INTU: variants seen among roughly 807,000 people sequenced by gnomAD.
INTU encodes protein inturned.
A neutral mutation model predicts 100.5 loss-of-function variants in INTU; 68 were observed. The ratio of observed to expected loss-of-function variants is 0.68; its 90% CI spans 0.56 to 0.83. The LOEUF is 0.83. Ranked by LOEUF, INTU falls within the 40% of genes least tolerant of loss-of-function variation. The pLI is 0.00. For synonymous variants in INTU, 357 were observed against 395.7 expected, an observed-to-expected ratio of 0.90 and a Z score of 1.16; for missense variants, 1,071 against 1,114.7, an observed-to-expected ratio of 0.96 and a Z score of 0.56.
chr4:127,706,886 C>T lies in INTU; in HGVS notation c.2188C>T (p.Pro730Ser). 6.2e-7 allele frequency: 1 copy of T among 1,613,988 alleles called. No individual in the cohort carries two copies. The highest frequency in any genetic ancestry group is 8.5e-7 in the Non-Finnish European group (1 of 1,179,944). Residue 730 changes from proline (P) to serine (S), a missense_variant, in exon 12 of 16, where the codon CCC becomes TCC. Physicochemically the swap from Pro to Ser is moderately conservative, Grantham distance 74. Transcript: ENST00000335251. ...CEGGEDDGFS[P>S]HTTPDAVRKQ... Reference sequence around the variant, plus strand: ...AGGTGGAGAAGATGATGGCTTTAGCCCCCATACTACACCGGATGCAGTACG... The same window carrying T: ...AGGTGGAGAAGATGATGGCTTTAGCTCCCATACTACACCGGATGCAGTACG...
In INTU at chr4:127,687,747, T is replaced by TA; in HGVS notation, c.1329_1330insA (p.Gln444ThrfsTer49). 1 of 1,613,596 alleles carries TA rather than the reference T, an allele frequency of 6.2e-7. No homozygotes were observed. The highest frequency in any genetic ancestry group is 8.5e-7 in the Non-Finnish European group (1 of 1,179,678). ...TTAACTTGTTCTTTCAAAGAGCACT[T>TA]CAGCCTGCGAAACTGCATTCCAGCG... On this transcript the variant is annotated frameshift_variant, in exon 8 of 16. Coordinates refer to ENST00000335251, the MANE Select transcript of INTU (RefSeq NM_015693.4). LOFTEE classifies it high-confidence loss of function.
Position 127,720,760 on chromosome 4 carries a change from C to T in INTU, c.*4324C>T, listed in dbSNP as rs962382398. ...CTTTGTCTTTTTTTTAATCTTTATT[C>T]GTTTAAAGTCTTTGTCAGAAACTAG... On this transcript the variant is annotated 3_prime_UTR_variant, in exon 16 of 16. Coordinates refer to ENST00000335251, the MANE Select transcript of INTU (RefSeq NM_015693.4). The T allele has an allele frequency of 1.3e-5, 2 of 151,886 alleles. No homozygotes were observed. The highest frequency in any genetic ancestry group is 2.1e-4 in the South Asian group (1 of 4,802). The allele number at this position is 151,886 out of a possible 1,614,324, so 9.4% of individuals were successfully genotyped here. A position where few individuals can be genotyped will look rare whatever the true frequency, so the allele number is the denominator to read the frequency against.
rs758289583 is a variant in INTU at position 127,705,626 on chromosome 4, T to G, written c.1602T>G (p.Asp534Glu). ...TATGCAGTCATTTGCCCAAGGATGA[T>G]CTTATTGATATTGCCGTATACTGTC... The part of the protein sequence containing the change: ...YLICSHLPKD[D>E]LIDIAVYCRH... Residue 534 changes from aspartate (D) to glutamate (E), a missense_variant, in exon 11 of 16, where the codon GAT becomes GAG. Coordinates refer to ENST00000335251, the MANE Select transcript of INTU (RefSeq NM_015693.4). 6.2e-7 allele frequency: 1 copy of G among 1,613,828 alleles called. No individual in the cohort carries two copies. The highest frequency in any genetic ancestry group is 1.3e-5 in the African/African-American group (1 of 74,894).
intron 3 of INTU, among the ~76,000 whole-genome samples, chr4:127,658,032 T>C (rs1431060539): frequency 6.6e-6 from 1 of 152,086 alleles, no homozygotes; most frequent in Non-Finnish European, 1.5e-5. Context: ...CGTTTTTGGA[T>C]TGGTCAGGTT....
intron 15 of INTU, 55 bp from the exon 16 acceptor site, chr4:127,716,269 GT>G: frequency 1.3e-6 from 1 of 798,656 alleles, no homozygotes; most frequent in Non-Finnish European, 2.0e-6. Flanking sequence ...GATGGTTAGA[GT>G]TTTTGTTGTT....
At chr4:127,642,531 A>G (rs1272706146) in intron 1 of INTU, among the ~76,000 whole-genome samples, 1 of 152,140 alleles carries the variant, frequency 6.6e-6, no homozygotes, top group East Asian at 1.9e-4. Flanking sequence ...GAAAACAGAA[A>G]TGTCTTCTAT....
At position 127,673,366 on chromosome 4, in the gene INTU, T is replaced by C. The variant is rs570030157; in HGVS notation, c.1092-758T>C. Among the ~76,000 whole-genome samples the C allele has an allele frequency of 5.9e-3, 892 of 150,380 alleles. 9 individuals carry two copies. The highest frequency in any genetic ancestry group is 0.021 in the Middle Eastern group (6 of 290). On this transcript the variant is annotated intron_variant, in intron 5 of 15. Coordinates refer to ENST00000335251, the MANE Select transcript of INTU (RefSeq NM_015693.4). ...CCAGCTAATTTTTTTTTTTTTTTTT[T>C]AAGAGATGCGGTCTTACTTTGTTCC...
Position 127,655,499 on chromosome 4 carries a change from T to G in INTU, c.683-1137T>G, listed in dbSNP as rs372005261. Among the ~76,000 whole-genome samples, 1,459 of 150,012 alleles carry G rather than the reference T, an allele frequency of 9.7e-3. 16 individuals are homozygous for G. The highest frequency in any genetic ancestry group is 0.025 in the Admixed American group (379 of 15,018). ...ACCCTGCCGTGTGAGGTGTCAGTGT[T>G]CCCCTGCTGGGGGGTGCCTCCCAGT... On this transcript the variant is annotated intron_variant, in intron 2 of 15. Transcript: ENST00000335251.
chr4:127,654,203 G>C (rs997139396), intron 2 of INTU, among the ~76,000 whole-genome samples: 3 of 151,664 alleles, frequency 2.0e-5, no homozygotes, highest in African/African-American at 7.3e-5. Context: ...CTTTTAACTG[G>C]AGCATTTAGT....
In INTU at chr4:127,718,969, C is replaced by G. The variant is rs577851107; in HGVS notation, c.*2533C>G. 2.6e-5 allele frequency: 4 copies of G among 152,218 alleles called. No individual in the cohort carries two copies. The highest frequency in any genetic ancestry group is 3.9e-4 in the East Asian group (2 of 5,176). The allele number at this position is 152,218 out of a possible 1,614,324, so 9.4% of individuals were successfully genotyped here. A position where few individuals can be genotyped will look rare whatever the true frequency, so the allele number is the denominator to read the frequency against. ...ACTTCCTCTCTTCTTCTTTGAATAC[C>G]CTTTATTTCTTTCTCTTGCCTGATT... On this transcript the variant is annotated 3_prime_UTR_variant, in exon 16 of 16. Transcript: ENST00000335251.
rs988800187 is a variant in INTU, at chr4:127,724,471, G to A, written c.*8035G>A. Reference sequence around the variant, plus strand: ...TTATCTTAGAAATATAGATCATTATGCATTGGGTTTTTTCAAAGGGGGAAC... The same window carrying A: ...TTATCTTAGAAATATAGATCATTATACATTGGGTTTTTTCAAAGGGGGAAC... On this transcript the variant is annotated 3_prime_UTR_variant, in exon 16 of 16. Coordinates refer to ENST00000335251, the MANE Select transcript of INTU (RefSeq NM_015693.4). 1.3e-5 allele frequency: 2 copies of A among 151,868 alleles called. No individual in the cohort carries two copies. The highest frequency in any genetic ancestry group is 1.3e-4 in the Admixed American group (2 of 15,242). The allele number at this position is 151,868 out of a possible 1,614,324, so 9.4% of individuals were successfully genotyped here. A position where few individuals can be genotyped will look rare whatever the true frequency, so the allele number is the denominator to read the frequency against.
intron 11 of INTU, 72 bp from the exon 12 acceptor site, chr4:127,706,415 T>A: frequency 1.5e-6 from 2 of 1,316,828 alleles, no homozygotes; most frequent in Non-Finnish European, 1.0e-6. Context: ...TATTTATAAG[T>A]TTATACATGC....
chr4:127,706,251 C>T (rs948699609), intron 11 of INTU, among the ~76,000 whole-genome samples: 8 of 152,016 alleles, frequency 5.3e-5, no homozygotes, highest in African/African-American at 1.9e-4. Context: ...TTCTGTGTCT[C>T]AAAAGAAGTG....
intron 2 of INTU, among the ~76,000 whole-genome samples, chr4:127,655,177 C>G (rs905809505): frequency 6.6e-6 from 1 of 151,764 alleles, no homozygotes; most frequent in Non-Finnish European, 1.5e-5. Context: ...AATGTCCTCT[C>G]GTAGCTCAGA....
At chr4:127,686,775 G>A (rs1729846015) in intron 7 of INTU, 1 of 152,168 alleles carries the variant, frequency 6.6e-6, no homozygotes, top group South Asian at 2.1e-4. Context: ...CTTCATGGGA[G>A]CTCATTGTCT....
chr4:127,635,121 C>T (rs544995810), intron 1 of INTU, among the ~76,000 whole-genome samples: 1 of 152,306 alleles, frequency 6.6e-6, no homozygotes, highest in African/African-American at 2.4e-5. Flanking sequence ...CTGTTTCATA[C>T]ATGCTTTGTA....
chr4:127,678,638 T>G (rs1034408527), intron 6 of INTU, among the ~76,000 whole-genome samples: 2 of 152,208 alleles, frequency 1.3e-5, no homozygotes, highest in African/African-American at 4.8e-5. Flanking sequence ...TACCGGCCAC[T>G]GCAAAATCAT....
Position 127,674,181 on chromosome 4 carries a change from C to G in INTU, c.1149C>G (p.Asp383Glu), listed in dbSNP as rs1401362138. The G allele has an allele frequency of 3.1e-6, 5 of 1,611,420 alleles. No individual in the cohort carries two copies. Among genetic ancestry groups the G allele is most frequent in the Non-Finnish European group, 3.4e-6 (4 of 1,178,814 alleles). The change falls in exon 6 of 16, where the codon GAC (aspartate) becomes GAG (glutamate). Residue 383 changes from aspartate to glutamate, a missense_variant. Asp to Glu is a conservative substitution (Grantham distance 45, BLOSUM62 2). Transcript: ENST00000335251. The stretch of plus-strand genomic sequence containing the variant: ...ATGTGGCTTATTGGAAAGAATCTGA[C>G]AAGTTGTTGCTAATTGGCCTGCCTG... ...QIHVAYWKES[D>E]KLLLIGLPAE... is the part of the protein sequence containing the mutation.
At chr4:127,691,960 A>ATGTGTG (rs1357108848) in intron 8 of INTU, among the ~76,000 whole-genome samples, 8 of 110,688 alleles carry the variant, frequency 7.2e-5, no homozygotes, top group African/African-American at 3.2e-4. Flanking sequence ...GTTCCATGGT[A>ATGTGTG]TGTATATATA....
Sources: gnomAD v4.1 joint callset for allele counts (sites outside exome capture counted in the v4.1 genomes callset) on GRCh38, gnomAD v4.1.1 for gene constraint, MANE v1.5 for transcripts, NCBI Gene and HGNC (gene_info 2026-07-23, HGNC 2026-07-21) for gene names.